The following AGBL4 variants were observed in gnomAD, a reference collection of about 807,000 sequenced individuals.
The protein encoded by AGBL4 is cytosolic carboxypeptidase 6.
AGBL4 carries 58 observed loss-of-function variants against 66.4 expected under a neutral mutation model. The ratio of observed to expected loss-of-function variants is 0.87; its 90% CI spans 0.71 to 1.09. AGBL4 has a LOEUF of 1.09. AGBL4 is among the 50% of genes least tolerant of loss of function. The pLI is 0.00. For synonymous variants in AGBL4, 234 were observed against 222.9 expected, an observed-to-expected ratio of 1.05 and a Z score of -0.44; for missense variants, 579 against 631.0, an observed-to-expected ratio of 0.92 and a Z score of 0.88.
intron 3 of AGBL4, among the ~76,000 whole-genome samples, chr1:49,253,953 T>C (rs1454097509): frequency 6.6e-6 from 1 of 152,122 alleles, no homozygotes; most frequent in African/African-American, 2.4e-5. Flanking sequence ...AGGCTTTTGA[T>C]AAAATTAAAC....
chr1:49,785,159 C>T (rs561119827), intron 2 of AGBL4, among the ~76,000 whole-genome samples: 5 of 152,074 alleles, frequency 3.3e-5, no homozygotes, highest in Middle Eastern at 6.8e-3. Context: ...ATGGTGGCTA[C>T]CAGTAGCTGG....
chr1:48,657,790 C>G (rs1646044085), intron 7 of AGBL4, among the ~76,000 whole-genome samples: 1 of 152,132 alleles, frequency 6.6e-6, no homozygotes, highest in Non-Finnish European at 1.5e-5. Context: ...TGGCCCCTGG[C>G]AGGATGGGGC....
At chr1:49,873,373 G>A (rs1646886303) in intron 1 of AGBL4, among the ~76,000 whole-genome samples, 1 of 151,748 alleles carries the variant, frequency 6.6e-6, no homozygotes, top group East Asian at 1.9e-4. Flanking sequence ...TGCTTTCTCT[G>A]GGAGATTTTA....
intron 3 of AGBL4, among the ~76,000 whole-genome samples, chr1:49,604,270 T>C (rs1645022820): frequency 6.6e-6 from 1 of 152,250 alleles, no homozygotes; most frequent in South Asian, 2.1e-4. Flanking sequence ...ATGGCCATTC[T>C]GGCCAGGGTA....
intron 3 of AGBL4, among the ~76,000 whole-genome samples, chr1:49,267,604 C>A (rs1291132025): frequency 6.6e-6 from 1 of 151,814 alleles, no homozygotes; most frequent in African/African-American, 2.4e-5. Flanking sequence ...CACTGGAACC[C>A]GGGAGGTGGA....
At chr1:49,119,052 A>G (rs985085515) in intron 4 of AGBL4, among the ~76,000 whole-genome samples, 6 of 152,026 alleles carry the variant, frequency 3.9e-5, no homozygotes, top group African/African-American at 7.3e-5. Context: ...TATCCTCTTT[A>G]TCATTTTTTA....
At chr1:48,960,779 C>T (rs921148170) in intron 5 of AGBL4, among the ~76,000 whole-genome samples, 3 of 152,194 alleles carry the variant, frequency 2.0e-5, no homozygotes, top group African/African-American at 7.2e-5. Flanking sequence ...TAGACGCAGG[C>T]TCAAACCCAT....
intron 5 of AGBL4, among the ~76,000 whole-genome samples, chr1:48,908,834 C>T (rs1422491299): frequency 2.6e-5 from 4 of 152,014 alleles, no homozygotes; most frequent in Admixed American, 2.0e-4. Flanking sequence ...GCTTTCTCAT[C>T]ATTTTTGGTA....
chr1:48,630,615 T>A (rs116073316), intron 9 of AGBL4, among the ~76,000 whole-genome samples: 2,063 of 152,324 alleles, frequency 0.014, 53 homozygotes, highest in African/African-American at 0.048. Flanking sequence ...CAAACTCTAA[T>A]GGTCTCACTG....
Position 48,627,016 on chromosome 1 carries a change from G to C in AGBL4, c.951+7477C>G, listed in dbSNP as rs192158841. On this transcript the variant is annotated intron_variant, in intron 9 of 13. Transcript: ENST00000371839. Reference sequence around the variant, plus strand: ...CCTAGTTTATTTCTGATGTGTACGTGGGGTGTATGAGGGGTATCCTTTACC... The same window carrying C: ...CCTAGTTTATTTCTGATGTGTACGTCGGGTGTATGAGGGGTATCCTTTACC... Among the ~76,000 whole-genome samples, 23 of 152,108 alleles carry C rather than the reference G, an allele frequency of 1.5e-4. 1 individual carries two copies. In the East Asian group the frequency reaches 2.9e-3, roughly 19 times the overall value.
At chr1:49,269,877 G>C (rs1023541477) in intron 3 of AGBL4, among the ~76,000 whole-genome samples, 1 of 152,130 alleles carries the variant, frequency 6.6e-6, no homozygotes, top group Non-Finnish European at 1.5e-5. Context: ...GAGTGAAGGG[G>C]AAGTTTTCCT....
At chr1:49,541,135 C>T (rs968445694) in intron 3 of AGBL4, among the ~76,000 whole-genome samples, 3 of 152,188 alleles carry the variant, frequency 2.0e-5, no homozygotes, top group African/African-American at 7.2e-5. Flanking sequence ...TGTGACAATG[C>T]TTGTAAATAC....
At chr1:49,047,954 A>G (rs547312377) in intron 4 of AGBL4, among the ~76,000 whole-genome samples, 55 of 152,196 alleles carry the variant, frequency 3.6e-4, no homozygotes, top group South Asian at 1.7e-3. Context: ...GGATGTGGGT[A>G]TGGAGAGAAT....
chr1:49,119,190 T>C lies in AGBL4; in HGVS notation c.378-73390A>G, dbSNP rs188177841. 2.3e-3 allele frequency among the ~76,000 whole-genome samples: 343 copies of C among 152,318 alleles called. 2 individuals are homozygous for C. The highest frequency in any genetic ancestry group is 5.0e-3 in the Admixed American group (77 of 15,290). ...TTTTTTGAAGGGTTTTTCGTGTCTC[T>C]ATCTCTTTCAATTCTGCTCTGATCT... On this transcript the variant is annotated intron_variant, in intron 4 of 13. Transcript: ENST00000371839.
At chr1:48,688,808 T>C (rs1438876473) in intron 6 of AGBL4, among the ~76,000 whole-genome samples, 3 of 152,078 alleles carry the variant, frequency 2.0e-5, no homozygotes, top group South Asian at 2.1e-4. Flanking sequence ...TCTTTTTTTT[T>C]TTTTGAATTT....
chr1:48,938,786 A>G (rs1236430880), intron 5 of AGBL4, among the ~76,000 whole-genome samples: 2 of 152,182 alleles, frequency 1.3e-5, no homozygotes, highest in Non-Finnish European at 2.9e-5. Context: ...AGAACCCTTA[A>G]TTAATCTCCC....
chr1:49,016,013 CCA>C (rs1662793846), intron 5 of AGBL4, among the ~76,000 whole-genome samples: 1 of 152,162 alleles, frequency 6.6e-6, no homozygotes. Context: ...AATATAGACA[CCA>C]CCACCCACTT....
In AGBL4 at chr1:48,634,537, G is replaced by A. The variant is rs1272995752; in HGVS notation, c.907C>T (p.Leu303=). The change falls in exon 9 of 14, where the codon CTG becomes TTG. Residue 303 remains leucine (L), a synonymous_variant. Transcript: ENST00000371839. The part of the protein sequence containing the change: ...LDPSPWVHPT[L]HGVKQLIVQM... ...ACGATGAGTTGTTTCACTCCATGCA[G>A]GGTAGGATGGACCCATGGAGAGGGA... 6.2e-7 allele frequency: 1 copy of A among 1,606,996 alleles called. No individual in the cohort carries two copies. Among genetic ancestry groups the A allele is most frequent in the Non-Finnish European group, 8.5e-7 (1 of 1,176,758 alleles).
intron 9 of AGBL4, among the ~76,000 whole-genome samples, chr1:48,597,698 GAGGGGAGGGGAGGAGAGAGGAGGGA>G (rs972374457): frequency 1.5e-5 from 2 of 137,926 alleles, no homozygotes; most frequent in African/African-American, 5.4e-5. Context: ...GAGAGGAGAG[GAGGGGAGGGGAGGAGAGAGGAGGGA>G]AGGGGAGGGG....
Sources: gnomAD v4.1 joint callset for allele counts (sites outside exome capture counted in the v4.1 genomes callset) on GRCh38, gnomAD v4.1.1 for gene constraint, MANE v1.5 for transcripts, NCBI Gene and HGNC (gene_info 2026-07-23, HGNC 2026-07-21) for gene names.